The following GIMAP4 variants were observed in gnomAD, a reference collection of about 807,000 sequenced individuals.
The protein encoded by GIMAP4 is GTPase, IMAP family member 4.
A neutral mutation model predicts 10.8 loss-of-function variants in GIMAP4; 12 were observed. That is an observed-to-expected ratio of 1.11 (90% CI 0.71 to 1.81). The LOEUF is 1.81. Ranked by LOEUF, GIMAP4 falls within the 40% of genes most tolerant of loss-of-function variation. The pLI is 0.00. For missense variants in GIMAP4, 412 were observed against 404.6 expected, an observed-to-expected ratio of 1.02 and a Z score of -0.16; for synonymous variants, 149 against 147.2, an observed-to-expected ratio of 1.01 and a Z score of -0.09.
intron 2 of GIMAP4, 65 bp from the exon 3 acceptor site, chr7:150,572,064 C>A: frequency 9.4e-7 from 1 of 1,059,100 alleles, no homozygotes; most frequent in Non-Finnish European, 1.4e-6. Flanking sequence ...GGTGAGGACT[C>A]TGCAGGGGAA....
At chr7:150,571,971 A>G (rs564144658) in intron 2 of GIMAP4, among the ~76,000 whole-genome samples, 158 bp from the exon 3 acceptor site, 1 of 152,350 alleles carries the variant, frequency 6.6e-6, no homozygotes, top group South Asian at 2.1e-4. Context: ...CTGAAAAATG[A>G]GCATCAGGCC....
In GIMAP4 at chr7:150,572,128, G is replaced by A. The variant is rs774485626; in HGVS notation, c.59-1G>A. The A allele has an allele frequency of 1.3e-6, 2 of 1,597,536 alleles. No homozygotes were observed. Among genetic ancestry groups the A allele is most frequent in the Non-Finnish European group, 1.7e-6 (2 of 1,167,506 alleles). On this transcript the variant is annotated splice_acceptor_variant, in intron 2 of 2. Transcript: ENST00000255945. LOFTEE classifies it high-confidence loss of function. ...GCTTTTTTTTTTTCTTGATGTCCCA[G>A]GGCCTGGAAGGCAAGAGCCCAGAAA...
At position 150,573,071 on chromosome 7, in the gene GIMAP4, A is replaced by T; in HGVS notation, c.*11A>T. ...TTCGCGGAAGATTAAACTTAATGAA[A>T]ATCTGTTTGTATTTTCTGCATATTC... On this transcript the variant is annotated 3_prime_UTR_variant, in exon 3 of 3. Transcript: ENST00000255945. The T allele has an allele frequency of 1.3e-6, 2 of 1,538,658 alleles. No individual in the cohort carries two copies. The highest frequency in any genetic ancestry group is 1.8e-6 in the Non-Finnish European group (2 of 1,121,552).
chr7:150,573,078 T>C lies in GIMAP4; in HGVS notation c.*18T>C. 1 of 1,503,996 alleles carries C rather than the reference T, an allele frequency of 6.6e-7. No homozygotes were observed. Among genetic ancestry groups the C allele is most frequent in the Non-Finnish European group, 9.2e-7 (1 of 1,091,388 alleles). 93.2% of individuals were successfully genotyped at this position (1,503,996 alleles called of 1,614,324 possible). ...AAGATTAAACTTAATGAAAATCTGT[T>C]TGTATTTTCTGCATATTCTCTGGCA... On this transcript the variant is annotated 3_prime_UTR_variant, in exon 3 of 3. Transcript: ENST00000255945.
Position 150,569,876 on chromosome 7 carries a change from C to T in GIMAP4, c.-14-12C>T. 1 of 1,205,248 alleles carries T rather than the reference C, an allele frequency of 8.3e-7. No homozygotes were observed. The allele number at this position is 1,205,248 out of a possible 1,614,324, so 74.7% of individuals were successfully genotyped here. On this transcript the variant is annotated splice_polypyrimidine_tract_variant and intron_variant, in intron 1 of 2. Transcript: ENST00000255945. ...TCCCTAAAATGACATGGTTATGTTT[C>T]TTGATCTACAGGAGTTCAAGCGACA...
Position 150,572,116 on chromosome 7 carries a change from C to G in GIMAP4, c.59-13C>G, listed in dbSNP as rs769294722. On this transcript the variant is annotated splice_polypyrimidine_tract_variant and intron_variant, in intron 2 of 2. Transcript: ENST00000255945. ...TCTAACAGCATGGCTTTTTTTTTTT[C>G]TTGATGTCCCAGGGCCTGGAAGGCA... 2 of 1,482,860 alleles carry G rather than the reference C, an allele frequency of 1.3e-6. No homozygotes were observed. Among genetic ancestry groups the G allele is most frequent in the Non-Finnish European group, 1.8e-6 (2 of 1,088,352 alleles). The allele number at this position is 1,482,860 out of a possible 1,614,324, so 91.9% of individuals were successfully genotyped here. A position where few individuals can be genotyped will look rare whatever the true frequency, so the allele number is the denominator to read the frequency against.
rs745534680 is a variant in GIMAP4 at position 150,572,115 on chromosome 7, T to C, written c.59-14T>C. On this transcript the variant is annotated splice_polypyrimidine_tract_variant and intron_variant, in intron 2 of 2. Coordinates refer to ENST00000255945, the MANE Select transcript of GIMAP4 (RefSeq NM_018326.3). ...TTCTAACAGCATGGCTTTTTTTTTTTCTTGATGTCCCAGGGCCTGGAAGGC... is the reference window on the plus strand; with the variant it reads ...TTCTAACAGCATGGCTTTTTTTTTTCCTTGATGTCCCAGGGCCTGGAAGGC... 9 of 1,544,968 alleles carry C rather than the reference T, an allele frequency of 5.8e-6. No individual in the cohort carries two copies. The highest frequency in any genetic ancestry group is 2.2e-5 in the East Asian group (1 of 44,538).
chr7:150,568,377 C>T (rs1464798152), intron 1 of GIMAP4, among the ~76,000 whole-genome samples: 3 of 152,138 alleles, frequency 2.0e-5, no homozygotes, highest in African/African-American at 4.8e-5. Context: ...TGGCTTTTCA[C>T]AGTGTTTCAT....
chr7:150,572,414 A>G lies in GIMAP4; in HGVS notation c.344A>G (p.His115Arg). The G allele has an allele frequency of 1.9e-6, 3 of 1,614,194 alleles. No homozygotes were observed. The highest frequency in any genetic ancestry group is 2.5e-6 in the Non-Finnish European group (3 of 1,180,008). Residue 115 changes from histidine to arginine, a missense_variant, in exon 3 of 3, where the codon CAT becomes CGT. His to Arg is a conservative substitution (Grantham distance 29). Transcript: ENST00000255945. ...RCILLTSPGPHALLLVVPLGR... is the reference protein window; with the variant it reads ...RCILLTSPGPRALLLVVPLGR... ...ATTCTTCTGACCTCCCCAGGGCCTCATGCTCTGCTTCTGGTGGTTCCACTG... is the reference window on the plus strand; with the variant it reads ...ATTCTTCTGACCTCCCCAGGGCCTCGTGCTCTGCTTCTGGTGGTTCCACTG...
At position 150,573,554 on chromosome 7, in the gene GIMAP4, G is replaced by A. The variant is rs1196994749; in HGVS notation, c.*494G>A. On this transcript the variant is annotated 3_prime_UTR_variant, in exon 3 of 3. Transcript: ENST00000255945. The stretch of plus-strand genomic sequence containing the variant: ...TGATTGTAGAATTATTCCTAGATGA[G>A]TGTCAATTTATTTAATTCCATTGTC... 1.3e-5 allele frequency: 2 copies of A among 152,950 alleles called. No homozygotes were observed. Among genetic ancestry groups the A allele is most frequent in the East Asian group, 3.8e-4 (2 of 5,208 alleles). The allele number at this position is 152,950 out of a possible 1,614,324, so 9.5% of individuals were successfully genotyped here.
At chr7:150,569,749 G>A in intron 1 of GIMAP4, 139 bp from the exon 2 acceptor site, 1 of 588,906 alleles carries the variant, frequency 1.7e-6, no homozygotes, top group Non-Finnish European at 3.1e-6. Flanking sequence ...GGGTTGAGGA[G>A]ACTTTTGGGA....
chr7:150,569,467 A>G (rs1795702976), intron 1 of GIMAP4, among the ~76,000 whole-genome samples: 1 of 152,206 alleles, frequency 6.6e-6, no homozygotes, highest in African/African-American at 2.4e-5. Flanking sequence ...TGTGGAGGTC[A>G]GGGCTTAATT....
intron 1 of GIMAP4, 78 bp from the exon 2 acceptor site, chr7:150,569,810 T>C: frequency 1.4e-6 from 1 of 726,098 alleles, no homozygotes; most frequent in South Asian, 1.5e-5. Flanking sequence ...AAGAAAGTTG[T>C]TGTTGACTAC....
chr7:150,570,026 T>TTG, intron 2 of GIMAP4, 67 bp downstream of exon 2: 2 of 354,544 alleles, frequency 5.6e-6, no homozygotes, highest in Non-Finnish European at 1.1e-5. Flanking sequence ...GTGGGGGATT[T>TTG]GGGGGGGAAT....
intron 2 of GIMAP4, 104 bp from the exon 3 acceptor site, chr7:150,572,025 C>A (rs1330596455): frequency 4.2e-6 from 3 of 713,008 alleles, no homozygotes; most frequent in Non-Finnish European, 2.4e-6. Flanking sequence ...GAGAAGCCCC[C>A]ACAGCCAGTA....
Position 150,572,111 on chromosome 7 carries a change from T to C in GIMAP4, c.59-18T>C, listed in dbSNP as rs776231211. On this transcript the variant is annotated intron_variant, in intron 2 of 2. Transcript: ENST00000255945. ...TAGATTCTAACAGCATGGCTTTTTT[T>C]TTTTCTTGATGTCCCAGGGCCTGGA... 1.0e-5 allele frequency: 16 copies of C among 1,538,290 alleles called. No individual in the cohort carries two copies. The highest frequency in any genetic ancestry group is 1.3e-5 in the Non-Finnish European group (15 of 1,126,282).
intron 1 of GIMAP4, among the ~76,000 whole-genome samples, chr7:150,569,048 C>T (rs1426751295): frequency 6.6e-6 from 1 of 152,096 alleles, no homozygotes; most frequent in African/African-American, 2.4e-5. Flanking sequence ...TAGTGTGGCT[C>T]ACACATAGGA....
chr7:150,570,012 G>C (rs762817114), intron 2 of GIMAP4, 53 bp downstream of exon 2: 2 of 1,142,522 alleles, frequency 1.8e-6, no homozygotes, highest in Non-Finnish European at 2.6e-6. Context: ...GTTAGCAGGT[G>C]GGGGTGGGGG....
At chr7:150,567,713 C>T (rs1375961737) in intron 1 of GIMAP4, among the ~76,000 whole-genome samples, 1 of 152,114 alleles carries the variant, frequency 6.6e-6, no homozygotes, top group Non-Finnish European at 1.5e-5. Context: ...AACTTTGATT[C>T]TTCCAGGGAT....
Sources: allele counts gnomAD v4.1 joint callset (sites outside exome capture counted in the v4.1 genomes callset), GRCh38; gene constraint gnomAD v4.1.1; transcripts MANE v1.5; gene names NCBI Gene and HGNC (gene_info 2026-07-23, HGNC 2026-07-21).